Variants in CNTD1 observed in about 807,000 individuals in gnomAD.
CNTD1 encodes cyclin N-terminal domain-containing protein 1.
Under a neutral mutation model 36.3 loss-of-function variants are expected in CNTD1, and 17 were observed. The observed-to-expected ratio is 0.47, with a 90% CI of 0.32 to 0.70. CNTD1 has a LOEUF of 0.70. Ranked by LOEUF, CNTD1 falls within the 30% of genes least tolerant of loss-of-function variation. CNTD1 has a pLI of 0.03. For missense variants in CNTD1, 338 were observed against 386.1 expected (o/e 0.88, Z 1.04); for synonymous variants, 128 against 153.3 (o/e 0.83, Z 1.22).
At position 42,806,733 on chromosome 17, in the gene CNTD1, G is replaced by A. The variant is rs554799749; in HGVS notation, c.640G>A (p.Asp214Asn). The A allele has an allele frequency of 5.0e-6, 8 of 1,614,074 alleles. No individual in the cohort carries two copies. The highest frequency in any genetic ancestry group is 2.2e-5 in the South Asian group (2 of 91,070). The change falls in exon 5 of 7, where the codon GAC (aspartate) becomes AAC (asparagine). Residue 214 changes from aspartate (D) to asparagine (N), a missense_variant. Physicochemically the swap from Asp to Asn is conservative, Grantham distance 23. Coordinates refer to ENST00000588408, the MANE Select transcript of CNTD1 (RefSeq NM_173478.3). The stretch of plus-strand genomic sequence containing the variant: ...GCATGCAACCTGCCTGACACTGCTC[G>A]ACCTGGTCTATCTTCTGCATGAACC... ...RLHATCLTLL[D>N]LVYLLHEPIY...
intron 4 of CNTD1, among the ~76,000 whole-genome samples, chr17:42,806,349 C>T (rs1406459607): frequency 6.6e-6 from 1 of 152,096 alleles, no homozygotes; most frequent in Non-Finnish European, 1.5e-5. Flanking sequence ...CGGCACTTGT[C>T]AGGGAAAGCT....
chr17:42,806,821 A>G lies in CNTD1; in HGVS notation c.725+3A>G. On this transcript the variant is annotated splice_donor_region_variant and intron_variant, in intron 5 of 6. Coordinates refer to ENST00000588408, the MANE Select transcript of CNTD1 (RefSeq NM_173478.3). The stretch of plus-strand genomic sequence containing the variant: ...TCCACTCCCAGTCAGCTGCAAGGGT[A>G]AGACAACTCCTATAGGGTAGGCTCC... 1.2e-6 allele frequency: 2 copies of G among 1,613,978 alleles called. No individual in the cohort carries two copies. Among genetic ancestry groups the G allele is most frequent in the Non-Finnish European group, 1.7e-6 (2 of 1,179,898 alleles).
intron 1 of CNTD1, among the ~76,000 whole-genome samples, chr17:42,801,217 CAA>C (rs1461609271): frequency 1.4e-5 from 2 of 141,380 alleles, no homozygotes; most frequent in Non-Finnish European, 3.1e-5. Context: ...CAAAAAAAAA[CAA>C]CACAAAAAAC....
chr17:42,803,630 T>C lies in CNTD1; in HGVS notation c.180T>C (p.Phe60=). The C allele has an allele frequency of 6.2e-7, 1 of 1,613,534 alleles. No individual in the cohort carries two copies. Among genetic ancestry groups the C allele is most frequent in the Non-Finnish European group, 8.5e-7 (1 of 1,179,792 alleles). Residue 60 remains phenylalanine (F), a synonymous_variant, in exon 2 of 7, where the codon TTT becomes TTC. Transcript: ENST00000588408. ...FREPQIVEFV[F]LLSEQWCLEK... ...TTCCTGTTTTGGCAGAGTTTGTTTT[T>C]CTCCTGTCTGAACAATGGTGTCTGG...
rs966947960 is a variant in CNTD1, at chr17:42,810,698, CAT to C, written c.*1164_*1165del. On this transcript the variant is annotated 3_prime_UTR_variant, in exon 7 of 7. Coordinates refer to ENST00000588408, the MANE Select transcript of CNTD1 (RefSeq NM_173478.3). ...AATATTACCCGAATTTAATTTAAAACATGTTTGCAAACAAAACAAAATTAAAA... is the reference window on the plus strand; with the variant it reads ...AATATTACCCGAATTTAATTTAAAACGTTTGCAAACAAAACAAAATTAAAA... 5.4e-6 allele frequency: 8 copies of C among 1,487,592 alleles called. No homozygotes were observed. Among genetic ancestry groups the C allele is most frequent in the Non-Finnish European group, 7.2e-6 (8 of 1,105,162 alleles). The allele number at this position is 1,487,592 out of a possible 1,614,324, so 92.1% of individuals were successfully genotyped here.
intron 6 of CNTD1, 60 bp from the exon 7 acceptor site, chr17:42,809,297 GTGTGTGTT>G (rs887315330): frequency 1.8e-5 from 24 of 1,358,174 alleles, no homozygotes; most frequent in Non-Finnish European, 2.4e-5. Flanking sequence ...CCCAAGTAAT[GTGTGTGTT>G]TGTGCACTAA....
chr17:42,807,143 C>T (rs1000508480), intron 5 of CNTD1, among the ~76,000 whole-genome samples: 3 of 152,142 alleles, frequency 2.0e-5, no homozygotes, highest in Non-Finnish European at 4.4e-5. Context: ...GTCGCCGGCG[C>T]GGTGGCTCAT....
Position 42,799,139 on chromosome 17 carries a change from G to A in CNTD1, c.72G>A (p.Thr24=). 1 of 1,614,066 alleles carries A rather than the reference G, an allele frequency of 6.2e-7. No individual in the cohort carries two copies. Among genetic ancestry groups the A allele is most frequent in the Non-Finnish European group, 8.5e-7 (1 of 1,180,014 alleles). Residue 24 remains threonine (T), a synonymous_variant, in exon 1 of 7, where the codon ACG becomes ACA. Coordinates refer to ENST00000588408, the MANE Select transcript of CNTD1 (RefSeq NM_173478.3). Reference sequence around the variant, plus strand: ...AGTTTGGAGTTGTCGCCACAGAGACGATTGAAGACGCCCTGCTTCACTTGG... The same window carrying A: ...AGTTTGGAGTTGTCGCCACAGAGACAATTGAAGACGCCCTGCTTCACTTGG... ...DFQFGVVATE[T]IEDALLHLAQ...
chr17:42,801,535 A>C (rs2054791720), intron 1 of CNTD1, among the ~76,000 whole-genome samples: 1 of 80,218 alleles, frequency 1.2e-5, no homozygotes, highest in Non-Finnish European at 2.3e-5. Context: ...ATATATATAT[A>C]TATATATATA....
Position 42,810,959 on chromosome 17 carries a change from A to C in CNTD1, c.*1424A>C. The C allele has an allele frequency of 6.5e-7, 1 of 1,540,644 alleles. No homozygotes were observed. The highest frequency in any genetic ancestry group is 1.3e-5 in the South Asian group (1 of 78,444). ...GATGGACAGAGCAAAACTCATTAGT[A>C]ACTGAGATCTGAGTTAAGTAAGTTC... On this transcript the variant is annotated 3_prime_UTR_variant, in exon 7 of 7. Coordinates refer to ENST00000588408, the MANE Select transcript of CNTD1 (RefSeq NM_173478.3).
At position 42,801,513 on chromosome 17, in the gene CNTD1, ATATATATATAT is replaced by A. The variant is rs2054788958; in HGVS notation, c.170-2106_170-2096del. Among the ~76,000 whole-genome samples, 193 of 54,714 alleles carry A rather than the reference ATATATATATAT, an allele frequency of 3.5e-3. 11 individuals are homozygous for A. Among genetic ancestry groups the A allele is most frequent in the African/African-American group, 0.012 (170 of 14,270 alleles). 35.9% of individuals were successfully genotyped at this position (54,714 alleles called of 152,430 possible). On this transcript the variant is annotated intron_variant, in intron 1 of 6. Transcript: ENST00000588408. ...CTTGTCTCAAAAAAAAAAAAAAAAT[ATATATATATAT>A]ATATATATATATATATATATATAAT...
At chr17:42,802,726 C>T (rs1314260349) in intron 1 of CNTD1, among the ~76,000 whole-genome samples, 2 of 152,172 alleles carry the variant, frequency 1.3e-5, no homozygotes, top group Admixed American at 6.5e-5. Flanking sequence ...TCTCTGAAGA[C>T]ATATGATTAT....
chr17:42,799,154 G>A lies in CNTD1; in HGVS notation c.87G>A (p.Leu29=). The A allele has an allele frequency of 6.2e-7, 1 of 1,614,116 alleles. No individual in the cohort carries two copies. The highest frequency in any genetic ancestry group is 8.5e-7 in the Non-Finnish European group (1 of 1,180,008). The change falls in exon 1 of 7, where the codon CTG becomes CTA. Residue 29 remains leucine (L), a synonymous_variant. Coordinates refer to ENST00000588408, the MANE Select transcript of CNTD1 (RefSeq NM_173478.3). ...CCACAGAGACGATTGAAGACGCCCT[G>A]CTTCACTTGGCCCAGCAGAATGAGC... The part of the protein sequence containing the change: ...VVATETIEDA[L]LHLAQQNEQA...
chr17:42,803,385 G>A (rs1401330684), intron 1 of CNTD1, among the ~76,000 whole-genome samples: 3 of 152,246 alleles, frequency 2.0e-5, no homozygotes, highest in African/African-American at 7.2e-5. Context: ...AAGGGTCACT[G>A]AGGGGGCTTG....
At chr17:42,807,731 T>C in intron 5 of CNTD1, 37 bp from the exon 6 acceptor site, 1 of 1,423,462 alleles carries the variant, frequency 7.0e-7, no homozygotes, top group Non-Finnish European at 9.9e-7. Flanking sequence ...TCAAGTTCCA[T>C]TCTAGCTTTA....
Position 42,809,479 on chromosome 17 carries a change from A to G in CNTD1, c.937A>G (p.Ile313Val). The G allele has an allele frequency of 2.5e-6, 4 of 1,614,100 alleles. No homozygotes were observed. The highest frequency in any genetic ancestry group is 3.4e-6 in the Non-Finnish European group (4 of 1,180,002). The change falls in exon 7 of 7, where the codon ATT becomes GTT. Residue 313 changes from isoleucine (I) to valine (V), a missense_variant. Physicochemically the swap from Ile to Val is conservative, Grantham distance 29. Transcript: ENST00000588408. Reference protein sequence around the residue: ...GANTPGRQQSIPPHLAARALK... With the variant: ...GANTPGRQQSVPPHLAARALK... ...CAACACTCCGGGGAGACAGCAGTCT[A>G]TTCCTCCCCACCTGGCAGCCAGAGC...
At chr17:42,806,938 C>A in intron 5 of CNTD1, 120 bp downstream of exon 5, 1 of 846,686 alleles carries the variant, frequency 1.2e-6, no homozygotes. Context: ...CCTACTCAGG[C>A]TACCTGGTTC....
intron 5 of CNTD1, among the ~76,000 whole-genome samples, chr17:42,807,209 A>T (rs532258708): frequency 3.6e-4 from 55 of 152,206 alleles, no homozygotes; most frequent in African/African-American, 1.3e-3. Context: ...AGGTCAGGAG[A>T]TCGAGACCAT....
rs561280611 is a variant in CNTD1 at position 42,798,959 on chromosome 17, T to A, written c.-109T>A. The A allele has an allele frequency of 3.4e-6, 5 of 1,490,146 alleles. No homozygotes were observed. The highest frequency in any genetic ancestry group is 4.5e-6 in the Non-Finnish European group (5 of 1,120,612). The allele number at this position is 1,490,146 out of a possible 1,614,324, so 92.3% of individuals were successfully genotyped here. A position where few individuals can be genotyped will look rare whatever the true frequency, so the allele number is the denominator to read the frequency against. Reference sequence around the variant, plus strand: ...CAGACTTGAGGCGACGACACACTCATTGGAAGGGGACGAGGAATCCAGGGT... The same window carrying A: ...CAGACTTGAGGCGACGACACACTCAATGGAAGGGGACGAGGAATCCAGGGT... On this transcript the variant is annotated 5_prime_UTR_variant, in exon 1 of 7. The change creates a new upstream start codon in the 5' untranslated region. Transcript: ENST00000588408.
Sources: gnomAD v4.1 joint callset for allele counts (sites outside exome capture counted in the v4.1 genomes callset) on GRCh38, gnomAD v4.1.1 for gene constraint, MANE v1.5 for transcripts, NCBI Gene and HGNC (gene_info 2026-07-23, HGNC 2026-07-21) for gene names.